SMAD2: variants seen among roughly 807,000 people sequenced by gnomAD.
SMAD2 encodes MAD homolog 2.
A neutral mutation model predicts 64.4 loss-of-function variants in SMAD2; 8 were observed. The observed-to-expected ratio is 0.12, with a 90% CI of 0.07 to 0.22. The LOEUF (loss-of-function observed/expected upper bound fraction) is 0.22, where lower values mean the gene tolerates loss of function less well. Among genes scored for constraint, SMAD2 ranks in the 10% least tolerant of loss-of-function variants. The pLI is 1.00. For missense variants in SMAD2, 289 were observed against 561.2 expected, an observed-to-expected ratio of 0.51 and a Z score of 4.90; for synonymous variants, 203 against 195.8, an observed-to-expected ratio of 1.04 and a Z score of -0.31.
intron 1 of SMAD2, among the ~76,000 whole-genome samples, chr18:47,899,788 C>G (rs1297791323): frequency 6.6e-6 from 1 of 152,170 alleles, no homozygotes; most frequent in Non-Finnish European, 1.5e-5. Flanking sequence ...TCAGTCACCA[C>G]CTTCTACCTT....
intron 1 of SMAD2, among the ~76,000 whole-genome samples, chr18:47,904,552 G>A (rs1423222664): frequency 6.6e-6 from 1 of 151,992 alleles, no homozygotes. Flanking sequence ...ACTGAAAAAG[G>A]GACAACAAGC....
rs2144300724 is a variant in SMAD2 at position 47,848,638 on chromosome 18, T to C, written c.834A>G (p.Ala278=). ...YSEPAFWCSI[A]YYELNQRVGE... ...CAACCCTCTGATTTAATTCATAATA[T>C]GCTATCGAACACCAAAATGCAGGTT... Residue 278 remains alanine, a synonymous_variant, in exon 8 of 11, where the codon GCA becomes GCG. Transcript: ENST00000262160. 2 of 1,613,944 alleles carry C rather than the reference T, an allele frequency of 1.2e-6. No homozygotes were observed. The highest frequency in any genetic ancestry group is 1.7e-6 in the Non-Finnish European group (2 of 1,179,938).
At position 47,837,899 on chromosome 18, in the gene SMAD2, T is replaced by G. The variant is rs939244661; in HGVS notation, c.*3928A>C. 1 of 232,620 alleles carries G rather than the reference T, an allele frequency of 4.3e-6. No individual in the cohort carries two copies. The highest frequency in any genetic ancestry group is 8.5e-6 in the Non-Finnish European group (1 of 117,510). 14.4% of individuals were successfully genotyped at this position (232,620 alleles called of 1,614,324 possible). ...ACATGAAGACATATTTTATGTACAG[T>G]GAAGATTGTCTTGTGTTACTTTATA... On this transcript the variant is annotated 3_prime_UTR_variant, in exon 11 of 11. Transcript: ENST00000262160.
Position 47,921,448 on chromosome 18 carries a change from G to T in SMAD2, c.-54+8913C>A, listed in dbSNP as rs7237849. 8.4e-3 allele frequency among the ~76,000 whole-genome samples: 1,279 copies of T among 152,226 alleles called. 8 individuals are homozygous for T. Among genetic ancestry groups the T allele is most frequent in the African/African-American group, 0.029 (1,221 of 41,536 alleles). ...ACTGGGTATCCCTGAATTTTGGATT[G>T]CAGTCATGGATTATGTATACAAAAA... On this transcript the variant is annotated intron_variant, in intron 1 of 10. Transcript: ENST00000262160.
At chr18:47,915,298 T>C (rs997229198) in intron 1 of SMAD2, among the ~76,000 whole-genome samples, 1 of 152,210 alleles carries the variant, frequency 6.6e-6, no homozygotes, top group Non-Finnish European at 1.5e-5. Flanking sequence ...TACAATACAG[T>C]TCTGTACATT....
Position 47,845,074 on chromosome 18 carries a change from C to T in SMAD2, c.1280+266G>A, listed in dbSNP as rs61423674. 2,048 of 596,646 alleles carry T rather than the reference C, an allele frequency of 3.4e-3. 44 individuals carry two copies. In the East Asian group the frequency reaches 0.051, roughly 15 times the overall value. 37.0% of individuals were successfully genotyped at this position (596,646 alleles called of 1,614,324 possible). The stretch of plus-strand genomic sequence containing the variant: ...TCTCTCCTTCCATAAACTGACATAA[C>T]CCTTCATATACACCCCTTTTATGAT... On this transcript the variant is annotated intron_variant, in intron 10 of 10. Transcript: ENST00000262160.
intron 2 of SMAD2, among the ~76,000 whole-genome samples, chr18:47,888,780 A>T (rs2033042331): frequency 6.6e-6 from 1 of 152,250 alleles, no homozygotes; most frequent in Non-Finnish European, 1.5e-5. Context: ...AACATATGGC[A>T]TACAATAAAA....
chr18:47,863,646 T>C (rs2031352160), intron 6 of SMAD2, among the ~76,000 whole-genome samples: 1 of 152,188 alleles, frequency 6.6e-6, no homozygotes, highest in Non-Finnish European at 1.5e-5. Flanking sequence ...TTTACATGGT[T>C]GAATAATTCC....
chr18:47,857,030 T>G (rs2030758519), intron 6 of SMAD2, among the ~76,000 whole-genome samples: 1 of 151,930 alleles, frequency 6.6e-6, no homozygotes. Context: ...GCTAATTTTT[T>G]GTATTTTTAG....
At chr18:47,911,749 C>T (rs1022130683) in intron 1 of SMAD2, among the ~76,000 whole-genome samples, 3 of 152,134 alleles carry the variant, frequency 2.0e-5, no homozygotes, top group East Asian at 1.9e-4. Context: ...CTTAACAGCC[C>T]GGTTAAACTG....
rs1034350420 is a variant in SMAD2, at chr18:47,821,278, G to T, written c.*20549C>A. The T allele has an allele frequency of 6.6e-6, 1 of 152,092 alleles. No homozygotes were observed. Among genetic ancestry groups the T allele is most frequent in the Admixed American group, 6.5e-5 (1 of 15,268 alleles). The allele number at this position is 152,092 out of a possible 1,614,324, so 9.4% of individuals were successfully genotyped here. A position where few individuals can be genotyped will look rare whatever the true frequency, so the allele number is the denominator to read the frequency against. ...TTTAGCTCTTTCTCCCCTTAAGAAG[G>T]TACATCTTTTTGTTTGGCAGGGGTG... On this transcript the variant is annotated 3_prime_UTR_variant, in exon 11 of 11. Transcript: ENST00000262160.
chr18:47,857,544 A>C (rs753319559), intron 6 of SMAD2, among the ~76,000 whole-genome samples: 1 of 152,226 alleles, frequency 6.6e-6, no homozygotes, highest in Non-Finnish European at 1.5e-5. Flanking sequence ...AACAGTGGAT[A>C]AACAAAGAAA....
intron 5 of SMAD2, among the ~76,000 whole-genome samples, chr18:47,867,657 CAAA>C (rs530649435): frequency 3.2e-5 from 3 of 94,832 alleles, no homozygotes; most frequent in African/African-American, 3.9e-5. Context: ...AGTTGTTCTC[CAAA>C]AAAAAAAAAA....
At chr18:47,856,435 T>C (rs530738955) in intron 6 of SMAD2, among the ~76,000 whole-genome samples, 58 of 152,316 alleles carry the variant, frequency 3.8e-4, no homozygotes, top group African/African-American at 1.3e-3. Flanking sequence ...TCATGTTATA[T>C]ACCTTAAACA....
At chr18:47,888,530 G>A (rs939332755) in intron 2 of SMAD2, among the ~76,000 whole-genome samples, 1 of 152,196 alleles carries the variant, frequency 6.6e-6, no homozygotes, top group Non-Finnish European at 1.5e-5. Flanking sequence ...TGTTTCAGGG[G>A]TTAGGTGACA....
intron 2 of SMAD2, among the ~76,000 whole-genome samples, chr18:47,873,437 A>G (rs1279450724): frequency 6.6e-6 from 1 of 152,230 alleles, no homozygotes; most frequent in African/African-American, 2.4e-5. Flanking sequence ...TGTTTTAAAA[A>G]TCCAGGTATT....
chr18:47,925,651 CA>C (rs1314731582), intron 1 of SMAD2, among the ~76,000 whole-genome samples: 1 of 152,054 alleles, frequency 6.6e-6, no homozygotes, highest in African/African-American at 2.4e-5. Flanking sequence ...CAAAATTGAT[CA>C]ATGACAAGCA....
chr18:47,871,108 A>T (rs2031907336), intron 2 of SMAD2, among the ~76,000 whole-genome samples: 1 of 152,186 alleles, frequency 6.6e-6, no homozygotes, highest in African/African-American at 2.4e-5. Flanking sequence ...AGTCATTCTA[A>T]TTTAGTATAC....
intron 1 of SMAD2, among the ~76,000 whole-genome samples, chr18:47,919,469 TACACACACACACACACACAC>T (rs66523523): frequency 0.048 from 6,295 of 129,960 alleles, 501 homozygotes; most frequent in Admixed American, 0.21. Flanking sequence ...AAAAAAAAAA[TACACACACACACACACACAC>T]ACACACACAC....
Sources: gnomAD v4.1 joint callset for allele counts (sites outside exome capture counted in the v4.1 genomes callset) on GRCh38, gnomAD v4.1.1 for gene constraint, MANE v1.5 for transcripts, NCBI Gene and HGNC (gene_info 2026-07-23, HGNC 2026-07-21) for gene names.